SMARCC1: variants seen among roughly 807,000 people sequenced by gnomAD.
SMARCC1 encodes the protein SWI/SNF related BAF chromatin remodeling complex subunit C1, also known as SWI/SNF complex subunit SMARCC1.
SMARCC1 carries 43 observed loss-of-function variants against 147.4 expected under a neutral mutation model. The ratio of observed to expected loss-of-function variants is 0.29; its 90% confidence interval spans 0.23 to 0.38. SMARCC1 has a LOEUF of 0.38. Ranked by LOEUF, SMARCC1 falls within the 10% of genes least tolerant of loss-of-function variation. The pLI is 1.00. For missense variants in SMARCC1, 1,119 were observed against 1,381.1 expected (o/e 0.81, Z 3.01); for synonymous variants, 495 against 484.4 (o/e 1.02, Z -0.29).
chr3:47,585,497 A>G lies in SMARCC1; in HGVS notation c.*2712T>C, dbSNP rs191478065. 16 of 152,302 alleles carry G rather than the reference A, an allele frequency of 1.1e-4. No individual in the cohort carries two copies. In the East Asian group the frequency reaches 2.5e-3, roughly 24 times the overall value. 9.4% of individuals were successfully genotyped at this position (152,302 alleles called of 1,614,324 possible). A position where few individuals can be genotyped will look rare whatever the true frequency, so the allele number is the denominator to read the frequency against. On this transcript the variant is annotated 3_prime_UTR_variant, in exon 28 of 28. Transcript: ENST00000254480. ...ACTTCTTTTTTTCTGCACAGGGTTT[A>G]TATCTGTGAGTACCCAAAAGCTGTC...
intron 17 of SMARCC1, 53 bp downstream of exon 17, chr3:47,676,576 T>C (rs1480747123): frequency 7.4e-7 from 1 of 1,354,580 alleles, no homozygotes; most frequent in Non-Finnish European, 1.0e-6. Context: ...AGATATGCTA[T>C]AAATGGCCAT....
At chr3:47,618,298 T>C (rs2032675228) in intron 25 of SMARCC1, among the ~76,000 whole-genome samples, 1 of 151,970 alleles carries the variant, frequency 6.6e-6, no homozygotes. Flanking sequence ...TCCAAACCCC[T>C]TGGGAGGAGA....
intron 5 of SMARCC1, among the ~76,000 whole-genome samples, chr3:47,734,470 A>G (rs933801698): frequency 5.3e-5 from 8 of 152,180 alleles, no homozygotes; most frequent in Non-Finnish European, 1.2e-4. Flanking sequence ...ACATAATACA[A>G]TTGGTAATCT....
rs575979227 is a variant in SMARCC1 at position 47,733,977 on chromosome 3, G to GTA, written c.576+2055_576+2056dup. ...TGTATACACATATATGTACGTGTGT[G>GTA]TATATATATACATATGTATGTATAT... On this transcript the variant is annotated intron_variant, in intron 5 of 27. Transcript: ENST00000254480. Among the ~76,000 whole-genome samples, 566 of 150,874 alleles carry GTA rather than the reference G, an allele frequency of 3.8e-3. 2 individuals carry two copies. Among genetic ancestry groups the GTA allele is most frequent in the Non-Finnish European group, 5.1e-3 (346 of 67,832 alleles).
chr3:47,775,254 AG>A (rs1559670106), intron 1 of SMARCC1, among the ~76,000 whole-genome samples: 1 of 147,364 alleles, frequency 6.8e-6, no homozygotes, highest in Non-Finnish European at 1.5e-5. Context: ...TCTGCCCCCC[AG>A]GTTCACAACA....
intron 10 of SMARCC1, among the ~76,000 whole-genome samples, chr3:47,702,508 A>T (rs1217989514): frequency 6.6e-6 from 1 of 152,180 alleles, no homozygotes; most frequent in Non-Finnish European, 1.5e-5. Context: ...GTAATCCCAG[A>T]ACATTGGAAG....
chr3:47,736,189 T>C (rs2034441071), intron 4 of SMARCC1, 63 bp from the exon 5 acceptor site: 2 of 901,170 alleles, frequency 2.2e-6, no homozygotes, highest in East Asian at 2.8e-5. Context: ...ATATTATTTA[T>C]GCAATATACA....
chr3:47,684,474 C>T (rs1293931683), intron 14 of SMARCC1, among the ~76,000 whole-genome samples: 3 of 147,250 alleles, frequency 2.0e-5, no homozygotes, highest in Non-Finnish European at 4.5e-5. Context: ...GAGTATTGCT[C>T]TTGTAGCCCA....
intron 2 of SMARCC1, among the ~76,000 whole-genome samples, chr3:47,751,711 A>G (rs2034631518): frequency 6.6e-6 from 1 of 152,090 alleles, no homozygotes; most frequent in African/African-American, 2.4e-5. Flanking sequence ...TATTATTTAA[A>G]AATAAAAATA....
chr3:47,650,828 AAAAT>A (rs1436186424), intron 21 of SMARCC1, among the ~76,000 whole-genome samples: 1 of 152,166 alleles, frequency 6.6e-6, no homozygotes, highest in Non-Finnish European at 1.5e-5. Flanking sequence ...AAAAAAAATA[AAAAT>A]AAATAAAGAA....
At position 47,779,151 on chromosome 3, in the gene SMARCC1, G is replaced by A. The variant is rs536128529; in HGVS notation, c.195+2452C>T. Among the ~76,000 whole-genome samples, 4 of 151,606 alleles carry A rather than the reference G, an allele frequency of 2.6e-5. No homozygotes were observed. The South Asian group carries it at 8.4e-4, about 32-fold the overall frequency. On this transcript the variant is annotated intron_variant, in intron 1 of 27. Transcript: ENST00000254480. ...CAGTTGTTCACTGAATGCATGAGCT[G>A]AATGCAAGAGTTTGAGGTTGCAGTG...
At chr3:47,712,455 T>C (rs1176340911) in intron 8 of SMARCC1, among the ~76,000 whole-genome samples, 1 of 152,152 alleles carries the variant, frequency 6.6e-6, no homozygotes, top group Non-Finnish European at 1.5e-5. Flanking sequence ...CTGATAATCC[T>C]TTAACTACTG....
intron 2 of SMARCC1, among the ~76,000 whole-genome samples, chr3:47,770,571 T>C (rs2034900847): frequency 6.6e-6 from 1 of 151,998 alleles, no homozygotes; most frequent in African/African-American, 2.4e-5. Flanking sequence ...CGTGGTGAGC[T>C]GAAATTGCAC....
chr3:47,687,896 T>G (rs911628252), intron 13 of SMARCC1, among the ~76,000 whole-genome samples: 5 of 152,198 alleles, frequency 3.3e-5, no homozygotes, highest in African/African-American at 1.2e-4. Flanking sequence ...TCCAAAATGC[T>G]GACGTCATAG....
intron 14 of SMARCC1, among the ~76,000 whole-genome samples, chr3:47,682,571 T>C (rs1384081612): frequency 2.0e-5 from 3 of 152,220 alleles, no homozygotes; most frequent in Non-Finnish European, 4.4e-5. Context: ...TATCTAATTT[T>C]AGAGAAAAAG....
chr3:47,750,907 T>C (rs2106847780), intron 2 of SMARCC1, among the ~76,000 whole-genome samples: 1 of 152,166 alleles, frequency 6.6e-6, no homozygotes, highest in African/African-American at 2.4e-5. Context: ...TAATTTTTTT[T>C]TTTTTTTGAG....
chr3:47,657,250 C>T (rs1326762482), intron 21 of SMARCC1, among the ~76,000 whole-genome samples: 1 of 152,096 alleles, frequency 6.6e-6, no homozygotes, highest in East Asian at 1.9e-4. Flanking sequence ...ACAACCCTAT[C>T]CAATAAGAGC....
Position 47,689,415 on chromosome 3 carries a change from T to G in SMARCC1, c.1235A>C (p.Asp412Ala). 6.2e-7 allele frequency: 1 copy of G among 1,613,386 alleles called. No individual in the cohort carries two copies. The highest frequency in any genetic ancestry group is 8.5e-7 in the Non-Finnish European group (1 of 1,179,372). Residue 412 changes from aspartate to alanine, a missense_variant, in exon 13 of 28, where the codon GAT (aspartate) becomes GCT (alanine). By Grantham distance (126) the Asp-to-Ala change is moderately radical. Around this residue, in one of 6 missense-constraint regions of SMARCC1, gnomAD observed 542 missense variants for 611.8 expected, o/e 0.89. Transcript: ENST00000254480. ...TCCTCCTGCTGTGACTGTTTCTTCA[T>G]CCTGCTCATCTGCAAAACCAAAACA... ...GGTVADLDEQ[D>A]EETVTAGGKE...
intron 14 of SMARCC1, among the ~76,000 whole-genome samples, chr3:47,685,068 G>A (rs911177941): frequency 5.3e-5 from 8 of 152,078 alleles, no homozygotes; most frequent in Admixed American, 3.3e-4. Flanking sequence ...TAAAGGAAGC[G>A]CTTTATACAT....
Sources: gnomAD v4.1 joint callset for allele counts (sites outside exome capture counted in the v4.1 genomes callset) on GRCh38, gnomAD v4.1.1 for gene constraint, gnomAD v4.1.1 regional missense constraint, MANE v1.5 for transcripts, NCBI Gene and HGNC (gene_info 2026-07-23, HGNC 2026-07-21) for gene names.